TNR: variants seen among roughly 807,000 people sequenced by gnomAD.
TNR encodes the protein tenascin R.
In TNR, 45 loss-of-function variants were observed where a neutral mutation model predicts 150.4. The observed-to-expected ratio is 0.30, with a 90% CI of 0.24 to 0.38. TNR has a LOEUF of 0.38. Ranked by LOEUF, TNR falls within the 10% of genes least tolerant of loss-of-function variation. The pLI is 1.00. For missense variants in TNR, 1,544 were observed against 1,759.1 expected (o/e 0.88, Z 2.19); for synonymous variants, 687 against 678.4 (o/e 1.01, Z -0.20).
At chr1:175,696,641 A>T (rs1334926938) in intron 1 of TNR, among the ~76,000 whole-genome samples, 2 of 152,344 alleles carry the variant, frequency 1.3e-5, no homozygotes, top group South Asian at 2.1e-4. Flanking sequence ...GAACTTTGGG[A>T]GGCCAAGGCA....
At chr1:175,534,644 C>T (rs984071237) in intron 1 of TNR, among the ~76,000 whole-genome samples, 2 of 152,200 alleles carry the variant, frequency 1.3e-5, no homozygotes, top group African/African-American at 4.8e-5. Flanking sequence ...TTCATCAGGT[C>T]TAACAAGAGA....
chr1:175,440,482 C>T (rs1655732865), intron 2 of TNR, among the ~76,000 whole-genome samples: 1 of 150,650 alleles, frequency 6.6e-6, no homozygotes, highest in East Asian at 2.0e-4. Context: ...ACATATGTAA[C>T]AAACCTGTAT....
intron 1 of TNR, among the ~76,000 whole-genome samples, chr1:175,653,505 G>C (rs1244023626): frequency 6.6e-6 from 1 of 152,164 alleles, no homozygotes; most frequent in East Asian, 1.9e-4. Context: ...GGTGTTGATA[G>C]GGCTAAGAGG....
intron 2 of TNR, among the ~76,000 whole-genome samples, chr1:175,431,229 C>G (rs988001592): frequency 6.6e-6 from 1 of 152,188 alleles, no homozygotes; most frequent in Non-Finnish European, 1.5e-5. Context: ...AAATCCGAAC[C>G]TGAATCCTTT....
intron 20 of TNR, among the ~76,000 whole-genome samples, chr1:175,333,938 G>T (rs1330028415): frequency 2.6e-5 from 4 of 152,204 alleles, no homozygotes; most frequent in Non-Finnish European, 5.9e-5. Context: ...AGCATCGGGG[G>T]TTTTGCATGT....
intron 2 of TNR, among the ~76,000 whole-genome samples, chr1:175,523,697 A>G (rs982988489): frequency 6.6e-6 from 1 of 152,178 alleles, no homozygotes; most frequent in African/African-American, 2.4e-5. Flanking sequence ...CATCTGGACT[A>G]TTAGAGCAAC....
intron 1 of TNR, among the ~76,000 whole-genome samples, chr1:175,662,191 G>A (rs1231944387): frequency 6.6e-6 from 1 of 152,178 alleles, no homozygotes; most frequent in Non-Finnish European, 1.5e-5. Flanking sequence ...TAACCATGAT[G>A]ATATGACATG....
chr1:175,702,312 C>T (rs1186945295), intron 1 of TNR, among the ~76,000 whole-genome samples: 3 of 152,136 alleles, frequency 2.0e-5, no homozygotes, highest in Non-Finnish European at 4.4e-5. Context: ...CTGCTCAGTG[C>T]CCCAAGCTAT....
At chr1:175,435,138 G>T (rs1655443606) in intron 2 of TNR, among the ~76,000 whole-genome samples, 1 of 152,198 alleles carries the variant, frequency 6.6e-6, no homozygotes, top group Non-Finnish European at 1.5e-5. Context: ...AAGATCACTT[G>T]GCTGCTTATG....
chr1:175,433,215 G>T (rs72723487), intron 2 of TNR, among the ~76,000 whole-genome samples: 9,894 of 152,200 alleles, frequency 0.065, 512 homozygotes, highest in East Asian at 0.25. Context: ...ACATGACAGA[G>T]AAATAAATTT....
chr1:175,434,154 T>C (rs895146831), intron 2 of TNR, among the ~76,000 whole-genome samples: 2 of 152,126 alleles, frequency 1.3e-5, no homozygotes, highest in Admixed American at 1.3e-4. Context: ...CATGCTGGTT[T>C]CCTAGGAAGG....
chr1:175,522,420 G>A (rs1310532145), intron 2 of TNR, among the ~76,000 whole-genome samples: 5 of 152,220 alleles, frequency 3.3e-5, no homozygotes. Flanking sequence ...GTAGGAAGGA[G>A]ATGGGGGATG....
intron 1 of TNR, among the ~76,000 whole-genome samples, chr1:175,740,607 G>A (rs6663878): frequency 5.3e-5 from 8 of 151,956 alleles, no homozygotes; most frequent in Non-Finnish European, 1.5e-5. Flanking sequence ...GGGGGGTTGG[G>A]CATGAGAACT....
rs59240572 is a variant in TNR at position 175,640,791 on chromosome 1, G to GTATATATATATATATA, written c.-165+102419_-165+102434dup. 2.4e-4 allele frequency among the ~76,000 whole-genome samples: 34 copies of GTATATATATATATATA among 143,642 alleles called. 1 individual carries two copies. The highest frequency in any genetic ancestry group is 8.3e-4 in the African/African-American group (32 of 38,692). 94.2% of individuals were successfully genotyped at this position (143,642 alleles called of 152,430 possible). A position where few individuals can be genotyped will look rare whatever the true frequency, so the allele number is the denominator to read the frequency against. On this transcript the variant is annotated intron_variant, in intron 1 of 22. Transcript: ENST00000367674. ...AATATATATATGTGTGTGTGTGTGG[G>GTATATATATATATATA]TATATATATATATATATATGATAAT...
intron 1 of TNR, chr1:175,556,539 C>T (rs1006323997): frequency 2.0e-5 from 3 of 152,086 alleles, no homozygotes; most frequent in East Asian, 3.9e-4. Flanking sequence ...AAGCAGGACC[C>T]CATTATCCAC....
Position 175,403,214 on chromosome 1 carries a change from C to T in TNR, c.902G>A (p.Cys301Tyr). The part of the protein sequence containing the change: ...DCGQRQCLNA[C>Y]SGRGQCEEGL... ...CTCCTCACATTGTCCTCGCCCACTGCAGGCATTCAGACACTGCCGCTGGCC... is the reference window on the plus strand; with the variant it reads ...CTCCTCACATTGTCCTCGCCCACTGTAGGCATTCAGACACTGCCGCTGGCC... The change falls in exon 4 of 23, where the codon TGC becomes TAC. Residue 301 changes from cysteine to tyrosine, a missense_variant. Around this residue, in one of 2 missense-constraint regions of TNR, gnomAD observed 1,254 missense variants for 1,329.4 expected, o/e 0.94. Coordinates refer to ENST00000367674, the MANE Select transcript of TNR (RefSeq NM_003285.3). 6 of 1,614,180 alleles carry T rather than the reference C, an allele frequency of 3.7e-6. No homozygotes were observed. Among genetic ancestry groups the T allele is most frequent in the Non-Finnish European group, 5.1e-6 (6 of 1,180,024 alleles).
chr1:175,354,613 C>G (rs1207543312), intron 17 of TNR, 90 bp from the exon 18 acceptor site: 2 of 1,549,772 alleles, frequency 1.3e-6, no homozygotes, highest in Middle Eastern at 1.7e-4. Flanking sequence ...ATCCCATGGG[C>G]AGCTAGGTCA....
At chr1:175,412,435 G>A (rs1210199721) in intron 2 of TNR, among the ~76,000 whole-genome samples, 1 of 152,026 alleles carries the variant, frequency 6.6e-6, no homozygotes, top group East Asian at 1.9e-4. Context: ...TTGTTTGATG[G>A]CTCTTTATTT....
intron 21 of TNR, 138 bp downstream of exon 21, chr1:175,329,936 G>A: frequency 1.0e-6 from 1 of 985,318 alleles, no homozygotes; most frequent in Non-Finnish European, 1.4e-6. Context: ...CAGTGGCATG[G>A]CCCTTCTTCT....
Sources: gnomAD v4.1 joint callset for allele counts (sites outside exome capture counted in the v4.1 genomes callset) on GRCh38, gnomAD v4.1.1 for gene constraint, gnomAD v4.1.1 regional missense constraint, MANE v1.5 for transcripts, NCBI Gene and HGNC (gene_info 2026-07-23, HGNC 2026-07-21) for gene names.